The following TKTL1 variants were observed in gnomAD, a reference collection of about 807,000 sequenced individuals.
TKTL1 encodes the protein transketolase like 1.
A neutral mutation model predicts 39.3 loss-of-function variants in TKTL1; 1 was observed. That is an observed-to-expected ratio of 0.03 (90% CI 0.01 to 0.12). The LOEUF (loss-of-function observed/expected upper bound fraction) is 0.12, where lower values mean the gene tolerates loss of function less well. Among genes scored for constraint, TKTL1 ranks in the 10% least tolerant of loss-of-function variants. TKTL1 has a pLI of 1.00. For synonymous variants in TKTL1, 262 were observed against 193.8 expected (o/e 1.35, Z -2.92); for missense variants, 575 against 509.6 (o/e 1.13, Z -1.24).
intron 10 of TKTL1, among the ~76,000 whole-genome samples, chrX:154,326,958 C>T (rs2067497570): frequency 8.9e-6 from 1 of 112,178 alleles, no homozygotes; most frequent in Admixed American, 9.4e-5. Context: ...AGCAATGGTT[C>T]TTAAGCTACA....
chrX:154,299,984 A>G (rs982569080), intron 1 of TKTL1, among the ~76,000 whole-genome samples: 1 of 108,728 alleles, frequency 9.2e-6, no homozygotes, highest in Non-Finnish European at 1.9e-5. Context: ...TGAATGGTAG[A>G]TAGATGGTAA....
chrX:154,309,487 T>A, intron 3 of TKTL1, 45 bp downstream of exon 3: 3 of 1,078,202 alleles, frequency 2.8e-6, no homozygotes, highest in Non-Finnish European at 3.9e-6. Flanking sequence ...TACATCTACA[T>A]CCCCTTCCTA....
Position 154,310,831 on chromosome X carries a change from T to G in TKTL1, c.351-5T>G, listed in dbSNP as rs781784197. Reference sequence around the variant, plus strand: ...GGGTCCTAAACCTCTCTTGTCTTGCTCCAGCTACCGGGTGTTCTGCCTCAT... The same window carrying G: ...GGGTCCTAAACCTCTCTTGTCTTGCGCCAGCTACCGGGTGTTCTGCCTCAT... On this transcript the variant is annotated splice_polypyrimidine_tract_variant and splice_region_variant and intron_variant, in intron 3 of 12. Transcript: ENST00000369915. 8.3e-7 allele frequency: 1 copy of G among 1,208,183 alleles called. No individual in the cohort carries two copies. Among genetic ancestry groups the G allele is most frequent in the East Asian group, 3.0e-5 (1 of 33,838 alleles).
chrX:154,321,983 C>G (rs184861522), intron 8 of TKTL1, among the ~76,000 whole-genome samples: 1 of 110,268 alleles, frequency 9.1e-6, no homozygotes, highest in African/African-American at 3.3e-5. Context: ...GAGAAAGTGA[C>G]TCTAGGTTCC....
In TKTL1 at chrX:154,319,570, C is replaced by T. The variant is rs781902148; in HGVS notation, c.1030-1187C>T. Among the ~76,000 whole-genome samples, 4 of 111,293 alleles carry T rather than the reference C, an allele frequency of 3.6e-5. No homozygotes were observed. In the South Asian group the frequency reaches 1.1e-3, roughly 31 times the overall value. ...CCTGACCAATATGGTGAAACCTCGT[C>T]CCTACTAAAAATACAAAAATTAGCC... On this transcript the variant is annotated intron_variant, in intron 7 of 12. Transcript: ENST00000369915.
chrX:154,311,183 G>A lies in TKTL1; in HGVS notation c.615G>A (p.Val205=), dbSNP rs1557168269. ...LCQVFWQASQ[V]KHKPTAVVAK... is the part of the protein sequence containing the mutation. ...AGGTATTCTGGCAGGCTTCTCAGGT[G>A]AAGCACAAGCCCACTGCTGTGGTGG... The change falls in exon 5 of 13, where the codon GTG becomes GTA. Residue 205 remains valine (V), a synonymous_variant. Transcript: ENST00000369915. 8.2e-7 allele frequency: 1 copy of A among 1,212,182 alleles called. No homozygotes were observed. The highest frequency in any genetic ancestry group is 2.2e-5 in the Admixed American group (1 of 46,055).
chrX:154,322,160 G>A (rs782366368), intron 8 of TKTL1, among the ~76,000 whole-genome samples: 96 of 103,352 alleles, frequency 9.3e-4, no homozygotes, highest in Non-Finnish European at 1.8e-3. Flanking sequence ...TTGAACCCAG[G>A]AGGCAGAGGC....
At chrX:154,326,142 A>G (rs1485092344) in intron 10 of TKTL1, among the ~76,000 whole-genome samples, 1 of 111,396 alleles carries the variant, frequency 9.0e-6, no homozygotes, top group Non-Finnish European at 1.9e-5. Flanking sequence ...CTATCTGTAG[A>G]TGAGGATTGG....
At chrX:154,300,267 C>T (rs1557165631) in intron 1 of TKTL1, among the ~76,000 whole-genome samples, 1 of 112,399 alleles carries the variant, frequency 8.9e-6, no homozygotes, top group Non-Finnish European at 1.9e-5. Flanking sequence ...CCTGCCTTGG[C>T]CTCCCAAAGT....
In TKTL1 at chrX:154,299,614, C is replaced by T. The variant is rs782153769; in HGVS notation, c.134+3621C>T. On this transcript the variant is annotated intron_variant, in intron 1 of 12. Coordinates refer to ENST00000369915, the MANE Select transcript of TKTL1 (RefSeq NM_012253.4). ...GTAGTCTTTTATCCCTCACCTCCTT[C>T]CTACCTTCCCCCTTCATTCTCCTCC... is the stretch of plus-strand genomic sequence containing the variant. Among the ~76,000 whole-genome samples, 185 of 111,260 alleles carry T rather than the reference C, an allele frequency of 1.7e-3. 1 individual carries two copies. The highest frequency in any genetic ancestry group is 2.4e-3 in the Non-Finnish European group (128 of 53,073).
chrX:154,314,420 T>C (rs2067381689), intron 6 of TKTL1, among the ~76,000 whole-genome samples: 1 of 111,876 alleles, frequency 8.9e-6, no homozygotes, highest in African/African-American at 3.3e-5. Context: ...TGCAGATGAC[T>C]CATGCCAGGA....
At chrX:154,324,575 A>T (rs1721523642) in intron 9 of TKTL1, among the ~76,000 whole-genome samples, 1 of 112,188 alleles carries the variant, frequency 8.9e-6, no homozygotes, top group African/African-American at 3.2e-5. Flanking sequence ...AGGTTGCTTC[A>T]TAGTGGGGGG....
intron 1 of TKTL1, among the ~76,000 whole-genome samples, chrX:154,300,472 C>T (rs1315325280): frequency 8.9e-6 from 1 of 112,013 alleles, no homozygotes. Context: ...TTTCTTGTAG[C>T]TGTCTTTCAC....
Position 154,315,277 on chromosome X carries a change from G to T in TKTL1, c.969G>T (p.Glu323Asp), listed in dbSNP as rs1210323293. 1 of 1,211,221 alleles carries T rather than the reference G, an allele frequency of 8.3e-7. No individual in the cohort carries two copies. Among genetic ancestry groups the T allele is most frequent in the African/African-American group, 1.7e-5 (1 of 57,740 alleles). The change falls in exon 7 of 13, where the codon GAG (glutamate) becomes GAT (aspartate). Residue 323 changes from glutamate (E) to aspartate (D), a missense_variant. Physicochemically the swap from Glu to Asp is conservative, Grantham distance 45. Coordinates refer to ENST00000369915, the MANE Select transcript of TKTL1 (RefSeq NM_012253.4). ...DGDTRYSTFS[E>D]IFNKEYPERF... ...ACACCAGGTACTCTACTTTCTCTGAGATATTCAACAAGGAGTACCCTGAGC... is the reference window on the plus strand; with the variant it reads ...ACACCAGGTACTCTACTTTCTCTGATATATTCAACAAGGAGTACCCTGAGC...
At position 154,320,506 on chromosome X, in the gene TKTL1, C is replaced by T. The variant is rs1324046243; in HGVS notation, c.1030-251C>T. The T allele has an allele frequency of 1.2e-4, 48 of 385,915 alleles. No individual in the cohort carries two copies. In the South Asian group the frequency reaches 1.6e-3, roughly 13 times the overall value. The allele number at this position is 385,915 out of a possible 1,213,427, so 31.8% of individuals were successfully genotyped here. On this transcript the variant is annotated intron_variant, in intron 7 of 12. Coordinates refer to ENST00000369915, the MANE Select transcript of TKTL1 (RefSeq NM_012253.4). ...TCGGGGCATGGACCCTGGAAAGCTG[C>T]GGACACCAGGAGGGCAGGCAAGAGA...
At chrX:154,305,224 A>G in intron 1 of TKTL1, 80 bp from the exon 2 acceptor site, 6 of 1,185,991 alleles carry the variant, frequency 5.1e-6, no homozygotes, top group Non-Finnish European at 6.8e-6. Flanking sequence ...GACCGCTTCT[A>G]TGAGGAGACC....
At position 154,305,352 on chromosome X, in the gene TKTL1, C is replaced by T. The variant is rs782317545; in HGVS notation, c.183C>T (p.Phe61=). ...SSSSEIMSVL[F]FYIMRYKQSD... ...CTTCTGAGATCATGTCTGTGCTGTT[C>T]TTCTACATCATGAGGTACAAGCAGT... The change falls in exon 2 of 13, where the codon TTC becomes TTT. Residue 61 remains phenylalanine, a synonymous_variant. Coordinates refer to ENST00000369915, the MANE Select transcript of TKTL1 (RefSeq NM_012253.4). The T allele has an allele frequency of 9.1e-6, 11 of 1,210,622 alleles. No individual in the cohort carries two copies. In the East Asian group the frequency reaches 2.7e-4, roughly 29 times the overall value.
chrX:154,308,970 T>A (rs782568752), intron 2 of TKTL1, among the ~76,000 whole-genome samples: 1 of 110,973 alleles, frequency 9.0e-6, no homozygotes, highest in African/African-American at 3.3e-5. Context: ...ATGTCAAGAA[T>A]CATACTTTAC....
rs1557170014 is a variant in TKTL1 at position 154,318,835 on chromosome X, CT to C, written c.1030-1920del. Among the ~76,000 whole-genome samples, 37 of 109,695 alleles carry C rather than the reference CT, an allele frequency of 3.4e-4. 1 individual carries two copies. Among genetic ancestry groups the C allele is most frequent in the Middle Eastern group, 4.7e-3 (1 of 212 alleles). ...GTCAGAAATTAAAACCCTTTTTCTA[CT>C]TGATTTCCAATTTCCATTCCATTCA... On this transcript the variant is annotated intron_variant, in intron 7 of 12. Transcript: ENST00000369915.
Sources: gnomAD v4.1 joint callset for allele counts (sites outside exome capture counted in the v4.1 genomes callset) on GRCh38, gnomAD v4.1.1 for gene constraint, MANE v1.5 for transcripts, NCBI Gene and HGNC (gene_info 2026-07-23, HGNC 2026-07-21) for gene names.